The following APP variants were observed in gnomAD, a reference collection of about 807,000 sequenced individuals.
APP encodes amyloid beta precursor protein.
APP carries 31 observed loss-of-function variants against 101.4 expected under a neutral mutation model. The observed-to-expected ratio is 0.31, with a 90% CI of 0.23 to 0.41. APP has a LOEUF of 0.41. Among genes scored for constraint, APP ranks in the 10% least tolerant of loss-of-function variants. The pLI is 1.00. For missense variants in APP, 839 were observed against 1,003.7 expected, an observed-to-expected ratio of 0.84 and a Z score of 2.22; for synonymous variants, 366 against 364.4, an observed-to-expected ratio of 1.00 and a Z score of -0.05.
At chr21:26,148,927 G>C (rs1351769532) in intron 1 of APP, among the ~76,000 whole-genome samples, 1 of 152,232 alleles carries the variant, frequency 6.6e-6, no homozygotes, top group African/African-American at 2.4e-5. Flanking sequence ...AATTGAAAGA[G>C]TTGTGACTCA....
At chr21:26,162,107 G>A (rs1037611640) in intron 1 of APP, among the ~76,000 whole-genome samples, 7 of 152,140 alleles carry the variant, frequency 4.6e-5, no homozygotes, top group African/African-American at 1.2e-4. Flanking sequence ...CAGGAGGATC[G>A]CTTGAGCCCA....
chr21:26,019,228 G>A (rs953325874), intron 6 of APP, among the ~76,000 whole-genome samples: 17 of 152,176 alleles, frequency 1.1e-4, no homozygotes, highest in African/African-American at 4.1e-4. Context: ...GCCCATCTTT[G>A]CCAGCCTGGC....
intron 1 of APP, among the ~76,000 whole-genome samples, chr21:26,163,393 G>C (rs1032922532): frequency 6.6e-6 from 1 of 152,018 alleles, no homozygotes; most frequent in African/African-American, 2.4e-5. Flanking sequence ...CACTGTTTGG[G>C]GTCCATCATT....
chr21:26,064,757 AAGG>A (rs2046396063), intron 3 of APP, among the ~76,000 whole-genome samples: 1 of 152,192 alleles, frequency 6.6e-6, no homozygotes, highest in Non-Finnish European at 1.5e-5. Context: ...TGTTCCACAG[AAGG>A]AGATGAGGGC....
chr21:25,883,072 C>T (rs560867747), intron 17 of APP, among the ~76,000 whole-genome samples: 1 of 152,238 alleles, frequency 6.6e-6, no homozygotes, highest in East Asian at 1.9e-4. Context: ...TATGTCATGA[C>T]TAGACCACAC....
chr21:25,969,022 T>C (rs1199676386), intron 11 of APP, among the ~76,000 whole-genome samples: 1 of 152,074 alleles, frequency 6.6e-6, no homozygotes, highest in Non-Finnish European at 1.5e-5. Flanking sequence ...CAGTAAGCTC[T>C]GGATTTATGT....
intron 17 of APP, among the ~76,000 whole-genome samples, chr21:25,881,996 G>C (rs1278675831): frequency 6.6e-6 from 1 of 152,074 alleles, no homozygotes; most frequent in Non-Finnish European, 1.5e-5. Flanking sequence ...TGGAAACCTT[G>C]ACGCGCTTGC....
At chr21:26,056,560 C>T (rs2046050677) in intron 3 of APP, among the ~76,000 whole-genome samples, 1 of 151,298 alleles carries the variant, frequency 6.6e-6, no homozygotes, top group Admixed American at 6.6e-5. Context: ...CACCACCCCC[C>T]TGCCCCCAAC....
chr21:26,138,705 AAAAC>A lies in APP; in HGVS notation c.58-26563_58-26560del, dbSNP rs536826866. On this transcript the variant is annotated intron_variant, in intron 1 of 17. Transcript: ENST00000346798. The stretch of plus-strand genomic sequence containing the variant: ...GATAGCCTGTCTCAGAAAACAAAAC[AAAAC>A]AAAACAAAACAAAACAAAACAAAAT... Among the ~76,000 whole-genome samples the A allele has an allele frequency of 2.1e-4, 32 of 151,140 alleles. No homozygotes were observed. In the South Asian group the frequency reaches 6.7e-3, roughly 32 times the overall value.
intron 11 of APP, among the ~76,000 whole-genome samples, chr21:25,968,046 GTAAGAGT>G (rs2041864103): frequency 6.6e-6 from 1 of 152,206 alleles, no homozygotes; most frequent in South Asian, 2.1e-4. Flanking sequence ...CTTCAACAGA[GTAAGAGT>G]TTTTTCTGAG....
intron 6 of APP, among the ~76,000 whole-genome samples, chr21:26,013,216 C>A (rs1454999862): frequency 6.6e-6 from 1 of 150,990 alleles, no homozygotes; most frequent in Admixed American, 6.6e-5. Flanking sequence ...ACTCAGGAGG[C>A]TGAGAGAGGA....
Position 26,100,552 on chromosome 21 carries a change from T to C in APP, c.226-10480A>G, listed in dbSNP as rs929704873. On this transcript the variant is annotated intron_variant, in intron 2 of 17. Coordinates refer to ENST00000346798, the MANE Select transcript of APP (RefSeq NM_000484.4). ...CCTCTGTTGTTTGCTTTTTATTTAATTTTAATTTCATACAACTGTAGAATG... is the reference window on the plus strand; with the variant it reads ...CCTCTGTTGTTTGCTTTTTATTTAACTTTAATTTCATACAACTGTAGAATG... Among the ~76,000 whole-genome samples, 6 of 152,360 alleles carry C rather than the reference T, an allele frequency of 3.9e-5. No individual in the cohort carries two copies. In the East Asian group the frequency reaches 1.2e-3, roughly 29 times the overall value.
chr21:26,013,722 T>C (rs2043923686), intron 6 of APP, among the ~76,000 whole-genome samples: 1 of 152,148 alleles, frequency 6.6e-6, no homozygotes, highest in Non-Finnish European at 1.5e-5. Context: ...TTTGTGAATA[T>C]ACTAAACCAC....
chr21:26,097,952 C>T (rs1483185911), intron 2 of APP, among the ~76,000 whole-genome samples: 3 of 151,560 alleles, frequency 2.0e-5, no homozygotes, highest in Non-Finnish European at 4.4e-5. Flanking sequence ...TGGTGGCAGG[C>T]GCCTGTAGTC....
chr21:26,001,222 G>C (rs1429682459), intron 6 of APP, among the ~76,000 whole-genome samples: 1 of 152,134 alleles, frequency 6.6e-6, no homozygotes, highest in Non-Finnish European at 1.5e-5. Context: ...CCCAAGATCA[G>C]TTTCACTCAT....
chr21:25,996,446 G>C (rs45567540), intron 8 of APP, among the ~76,000 whole-genome samples: 28,743 of 152,112 alleles, frequency 0.19, 2,790 homozygotes, highest in South Asian at 0.34. Flanking sequence ...GAGGAAACAA[G>C]TTACTTATGT....
intron 17 of APP, among the ~76,000 whole-genome samples, chr21:25,884,503 A>T (rs1041779007): frequency 2.0e-5 from 3 of 152,212 alleles, no homozygotes; most frequent in African/African-American, 7.2e-5. Context: ...TTAACTGGTA[A>T]CTGTGTAATT....
intron 13 of APP, among the ~76,000 whole-genome samples, chr21:25,948,606 C>T (rs894494258): frequency 6.6e-6 from 1 of 152,062 alleles, no homozygotes; most frequent in Non-Finnish European, 1.5e-5. Flanking sequence ...AACAATTATG[C>T]CTTTGTTCCC....
chr21:26,089,393 A>G (rs2061770590), intron 3 of APP: 1 of 152,140 alleles, frequency 6.6e-6, no homozygotes, highest in Non-Finnish European at 1.5e-5. Flanking sequence ...AACATTAAAC[A>G]TTAGTAATCA....
Sources: gnomAD v4.1 joint callset for allele counts (sites outside exome capture counted in the v4.1 genomes callset) on GRCh38, gnomAD v4.1.1 for gene constraint, MANE v1.5 for transcripts, NCBI Gene and HGNC (gene_info 2026-07-23, HGNC 2026-07-21) for gene names.